Variants in EFR3B observed in about 807,000 individuals in gnomAD.
EFR3B encodes EFR3 homolog B, also known as protein EFR3 homolog B.
Under a neutral mutation model 104.7 loss-of-function variants are expected in EFR3B, and 64 were observed. The ratio of observed to expected loss-of-function variants is 0.61; its 90% CI spans 0.50 to 0.75. The LOEUF is 0.75. Among genes scored for constraint, EFR3B ranks in the 30% least tolerant of loss-of-function variants. The probability of loss-of-function intolerance (pLI) is 0.00; values close to 1 mark genes in which losing one functional copy is unlikely to be tolerated. For missense variants in EFR3B, 750 were observed against 1,078.5 expected, an observed-to-expected ratio of 0.70 and a Z score of 4.27; for synonymous variants, 385 against 417.9, an observed-to-expected ratio of 0.92 and a Z score of 0.96.
At chr2:25,046,283 G>T (rs1294054200) in intron 1 of EFR3B, among the ~76,000 whole-genome samples, 1 of 151,532 alleles carries the variant, frequency 6.6e-6, no homozygotes, top group Non-Finnish European at 1.5e-5. Context: ...TAATGGGGAG[G>T]CTGAGGCAGG....
At chr2:25,099,998 T>C (rs1669387622) in intron 3 of EFR3B, among the ~76,000 whole-genome samples, 1 of 151,032 alleles carries the variant, frequency 6.6e-6, no homozygotes, top group African/African-American at 2.4e-5. Flanking sequence ...AGGTCAGGAG[T>C]TCAAGACCAA....
chr2:25,103,863 G>T (rs1176919739), intron 4 of EFR3B, 76 bp downstream of exon 4: 1 of 1,520,310 alleles, frequency 6.6e-7, no homozygotes, highest in Non-Finnish European at 8.9e-7. Flanking sequence ...AGACCTCGGG[G>T]TCGGCACTGT....
chr2:25,116,175 T>C (rs1669854187), intron 4 of EFR3B: 2 of 152,326 alleles, frequency 1.3e-5, no homozygotes, highest in South Asian at 4.1e-4. Flanking sequence ...CTGAATCCTG[T>C]AGGGTCATAA....
At chr2:25,067,370 G>A (rs148448887) in intron 1 of EFR3B, among the ~76,000 whole-genome samples, 6 of 151,730 alleles carry the variant, frequency 4.0e-5, no homozygotes, top group Non-Finnish European at 7.4e-5. Context: ...GGCCTGTGAG[G>A]GTGCACACAA....
chr2:25,144,722 C>G (rs533513286), intron 18 of EFR3B, among the ~76,000 whole-genome samples: 2 of 152,290 alleles, frequency 1.3e-5, no homozygotes, highest in South Asian at 4.1e-4. Context: ...TCTTTGTGTT[C>G]TCGTTGACGA....
intron 1 of EFR3B, among the ~76,000 whole-genome samples, chr2:25,074,699 C>A (rs1449650659): frequency 6.7e-6 from 1 of 150,308 alleles, no homozygotes; most frequent in African/African-American, 2.5e-5. Flanking sequence ...CTCACTGCAA[C>A]CTCCGTCTCC....
chr2:25,140,679 T>C (rs1480107674), intron 16 of EFR3B, among the ~76,000 whole-genome samples: 1 of 152,182 alleles, frequency 6.6e-6, no homozygotes, highest in Admixed American at 6.5e-5. Flanking sequence ...TGCAATGCAC[T>C]TGGGTACTGC....
chr2:25,126,410 A>G (rs961649369), intron 5 of EFR3B, among the ~76,000 whole-genome samples: 24 of 150,550 alleles, frequency 1.6e-4, no homozygotes, highest in Non-Finnish European at 2.7e-4. Context: ...CCTAGGCAGG[A>G]GTGCAGTGGC....
At chr2:25,066,526 C>G (rs574330968) in intron 1 of EFR3B, among the ~76,000 whole-genome samples, 44 of 152,248 alleles carry the variant, frequency 2.9e-4, no homozygotes, top group African/African-American at 1.0e-3. Flanking sequence ...CCTGGAATGC[C>G]TTCCTTTCTT....
At chr2:25,106,545 C>A (rs564843173) in intron 4 of EFR3B, among the ~76,000 whole-genome samples, 1 of 151,814 alleles carries the variant, frequency 6.6e-6, no homozygotes, top group Non-Finnish European at 1.5e-5. Context: ...GCAACCTCCA[C>A]CTCCCAGGTT....
chr2:25,115,122 A>AGTGAGCCGTGATCACGCC (rs1669822824), intron 4 of EFR3B, among the ~76,000 whole-genome samples: 1 of 152,190 alleles, frequency 6.6e-6, no homozygotes, highest in African/African-American at 2.4e-5. Context: ...TCAAGGCTGC[A>AGTGAGCCGTGATCACGCC]GTGAGCCGTG....
At chr2:25,099,225 A>T (rs1669365504) in intron 3 of EFR3B, among the ~76,000 whole-genome samples, 1 of 152,082 alleles carries the variant, frequency 6.6e-6, no homozygotes, top group Admixed American at 6.6e-5. Context: ...TACACAGTGG[A>T]CCTGAAACAT....
intron 5 of EFR3B, among the ~76,000 whole-genome samples, chr2:25,127,126 A>G (rs1290471962): frequency 7.3e-6 from 1 of 136,978 alleles, no homozygotes; most frequent in Non-Finnish European, 1.5e-5. Flanking sequence ...CGGGAGGCAG[A>G]GGTTGCAGTA....
At chr2:25,078,306 C>T (rs939601350) in intron 1 of EFR3B, among the ~76,000 whole-genome samples, 3 of 152,178 alleles carry the variant, frequency 2.0e-5, no homozygotes, top group Admixed American at 1.3e-4. Context: ...AAGCGGGTGT[C>T]CATGCCATTA....
intron 4 of EFR3B, among the ~76,000 whole-genome samples, chr2:25,117,391 A>T (rs948966232): frequency 7.7e-6 from 1 of 129,360 alleles, no homozygotes; most frequent in Non-Finnish European, 1.7e-5. Flanking sequence ...CTCCAGCCCC[A>T]CCCTACCTGT....
At chr2:25,149,785 G>A in intron 20 of EFR3B, 43 bp downstream of exon 20, 1 of 1,537,180 alleles carries the variant, frequency 6.5e-7, no homozygotes, top group Non-Finnish European at 8.8e-7. Flanking sequence ...GCAAAATGGG[G>A]TGGGGTCCTT....
intron 4 of EFR3B, among the ~76,000 whole-genome samples, chr2:25,113,591 C>T (rs1669781479): frequency 6.6e-6 from 1 of 151,152 alleles, no homozygotes; most frequent in Non-Finnish European, 1.5e-5. Context: ...TGGCATGAAC[C>T]TGGGAGGTGG....
chr2:25,120,192 A>G (rs1256732437), intron 4 of EFR3B, among the ~76,000 whole-genome samples: 1 of 118,638 alleles, frequency 8.4e-6, no homozygotes, highest in Non-Finnish European at 1.6e-5. Context: ...CTGTCTCTAC[A>G]AAAAAAAAAT....
chr2:25,121,795 G>C lies in EFR3B; in HGVS notation c.485+1G>C. The stretch of plus-strand genomic sequence containing the variant: ...ATGATGACTTAGAAATCAAGACCAA[G>C]TGAGTAGGGGAAGGCAAGGGTAGTT... On this transcript the variant is annotated splice_donor_variant, in intron 5 of 22. Transcript: ENST00000403714. LOFTEE classifies it high-confidence loss of function. 6.4e-7 allele frequency: 1 copy of C among 1,551,842 alleles called. No individual in the cohort carries two copies. Among genetic ancestry groups the C allele is most frequent in the Non-Finnish European group, 8.7e-7 (1 of 1,147,018 alleles).
Sources: allele counts gnomAD v4.1 joint callset (sites outside exome capture counted in the v4.1 genomes callset), GRCh38; gene constraint gnomAD v4.1.1; transcripts MANE v1.5; gene names NCBI Gene and HGNC (gene_info 2026-07-23, HGNC 2026-07-21).